The following DACH1 variants were observed in gnomAD, a reference collection of about 807,000 sequenced individuals.
The protein encoded by DACH1 is dachshund family transcription factor 1.
Under a neutral mutation model 54.2 loss-of-function variants are expected in DACH1, and 12 were observed. The observed-to-expected ratio is 0.22, with a 90% CI of 0.14 to 0.36. The LOEUF is 0.36. DACH1 is among the 10% of genes least tolerant of loss of function. The pLI is 1.00. For missense variants in DACH1, 805 were observed against 929.8 expected, an observed-to-expected ratio of 0.87 and a Z score of 1.75; for synonymous variants, 386 against 366.2, an observed-to-expected ratio of 1.05 and a Z score of -0.62.
intron 2 of DACH1, among the ~76,000 whole-genome samples, chr13:71,665,962 T>C (rs1287438006): frequency 1.3e-5 from 2 of 152,072 alleles, no homozygotes; most frequent in Admixed American, 6.6e-5. Context: ...ACACGAGAAA[T>C]AAATGAAATG....
At chr13:71,527,103 T>G (rs1195249712) in intron 6 of DACH1, among the ~76,000 whole-genome samples, 1 of 151,972 alleles carries the variant, frequency 6.6e-6, no homozygotes, top group African/African-American at 2.4e-5. Flanking sequence ...CTTTTTGTCT[T>G]TGCAGAATGT....
intron 6 of DACH1, among the ~76,000 whole-genome samples, chr13:71,520,142 C>G (rs1451980818): frequency 6.6e-6 from 1 of 151,260 alleles, no homozygotes; most frequent in Admixed American, 6.6e-5. Context: ...ATTTGGGTTT[C>G]TTCCATGTTT....
chr13:71,817,647 A>G (rs1888011338), intron 1 of DACH1, among the ~76,000 whole-genome samples: 1 of 152,192 alleles, frequency 6.6e-6, no homozygotes, highest in African/African-American at 2.4e-5. Context: ...TATGGAAAAG[A>G]AAGTAAAACA....
chr13:71,447,957 C>T lies in DACH1; in HGVS notation c.2084-7265G>A, dbSNP rs187261938. On this transcript the variant is annotated intron_variant, in intron 10 of 10. Coordinates refer to ENST00000613252, the MANE Select transcript of DACH1 (RefSeq NM_080759.6). ...GTAAAATCCTTAACAATGGAGTATGCTTGTGGAAGGTATCACACAATATGC... is the reference window on the plus strand; with the variant it reads ...GTAAAATCCTTAACAATGGAGTATGTTTGTGGAAGGTATCACACAATATGC... Among the ~76,000 whole-genome samples, 465 of 152,276 alleles carry T rather than the reference C, an allele frequency of 3.1e-3. 9 individuals carry two copies. Among genetic ancestry groups the T allele is most frequent in the Admixed American group, 0.022 (335 of 15,290 alleles).
chr13:71,559,986 A>G, intron 4 of DACH1, 31 bp from the exon 5 acceptor site: 1 of 1,469,074 alleles, frequency 6.8e-7, no homozygotes, highest in Admixed American at 2.8e-5. Context: ...AGGAGGGTAG[A>G]AAAGATGTTA....
chr13:71,629,687 G>C (rs903671076), intron 3 of DACH1, among the ~76,000 whole-genome samples: 1 of 152,038 alleles, frequency 6.6e-6, no homozygotes, highest in African/African-American at 2.4e-5. Flanking sequence ...CTGAATGGCC[G>C]TGAGTTATTA....
At chr13:71,757,805 G>T (rs570146747) in intron 1 of DACH1, among the ~76,000 whole-genome samples, 2 of 152,182 alleles carry the variant, frequency 1.3e-5, no homozygotes, top group East Asian at 3.9e-4. Flanking sequence ...TTACAGGTGT[G>T]AGCCACCACG....
chr13:71,748,924 CT>C (rs1478640294), intron 1 of DACH1, among the ~76,000 whole-genome samples: 1 of 41,756 alleles, frequency 2.4e-5, no homozygotes, highest in East Asian at 3.2e-4. Flanking sequence ...TTCTTTCTTT[CT>C]TTCTTTCTTT....
At chr13:71,485,509 C>T (rs1878409906) in intron 7 of DACH1, among the ~76,000 whole-genome samples, 1 of 144,526 alleles carries the variant, frequency 6.9e-6, no homozygotes, top group African/African-American at 2.5e-5. Context: ...TATATATCAA[C>T]ATAGGATTTT....
chr13:71,567,425 G>A (rs1005565444), intron 4 of DACH1, among the ~76,000 whole-genome samples: 5 of 151,710 alleles, frequency 3.3e-5, no homozygotes, highest in African/African-American at 1.2e-4. Flanking sequence ...ATTTTTATTA[G>A]GTAAAATGAG....
chr13:71,608,057 G>A (rs1011700982), intron 3 of DACH1, among the ~76,000 whole-genome samples: 1 of 143,000 alleles, frequency 7.0e-6, no homozygotes, highest in Non-Finnish European at 1.5e-5. Context: ...AGATTACAAT[G>A]TGTATATATA....
chr13:71,723,292 T>C (rs978708644), intron 1 of DACH1, among the ~76,000 whole-genome samples: 4 of 151,214 alleles, frequency 2.6e-5, no homozygotes, highest in Non-Finnish European at 5.9e-5. Context: ...CACATGCCTG[T>C]AGCCCCAGCT....
intron 1 of DACH1, among the ~76,000 whole-genome samples, chr13:71,780,275 T>G (rs1462625650): frequency 6.6e-6 from 1 of 152,096 alleles, no homozygotes; most frequent in Non-Finnish European, 1.5e-5. Context: ...GTGAGGCATT[T>G]TAGAGTTTTT....
At chr13:71,707,114 AAGAC>A (rs1218582312) in intron 1 of DACH1, among the ~76,000 whole-genome samples, 21 of 152,236 alleles carry the variant, frequency 1.4e-4, no homozygotes, top group Non-Finnish European at 2.6e-4. Flanking sequence ...AAAGAACATT[AAGAC>A]AGGTCTGTCC....
At chr13:71,735,174 G>A (rs1183654100) in intron 1 of DACH1, among the ~76,000 whole-genome samples, 2 of 150,786 alleles carry the variant, frequency 1.3e-5, no homozygotes, top group African/African-American at 2.4e-5. Flanking sequence ...TGGGATACTC[G>A]TATATGGGAT....
At chr13:71,503,744 A>C (rs1207436684) in intron 6 of DACH1, among the ~76,000 whole-genome samples, 2 of 152,216 alleles carry the variant, frequency 1.3e-5, no homozygotes, top group East Asian at 3.8e-4. Context: ...AATGTTCATA[A>C]GCTTCTTGTC....
At chr13:71,674,340 T>C (rs927406115) in intron 2 of DACH1, among the ~76,000 whole-genome samples, 1 of 152,130 alleles carries the variant, frequency 6.6e-6, no homozygotes, top group Non-Finnish European at 1.5e-5. Context: ...TATTTGTAGA[T>C]GTGATTATAT....
intron 1 of DACH1, 21 bp from the exon 2 acceptor site, chr13:71,681,931 A>G (rs1566429440): frequency 2.0e-6 from 3 of 1,487,172 alleles, no homozygotes; most frequent in East Asian, 4.5e-5. Context: ...CAAACAAAAA[A>G]TTTTTACAAT....
intron 6 of DACH1, among the ~76,000 whole-genome samples, chr13:71,513,763 C>T (rs1439062585): frequency 6.6e-6 from 1 of 151,998 alleles, no homozygotes; most frequent in Non-Finnish European, 1.5e-5. Context: ...CTTTTGTGAA[C>T]ATGCTCCAGT....
Sources: gnomAD v4.1 joint callset for allele counts (sites outside exome capture counted in the v4.1 genomes callset) on GRCh38, gnomAD v4.1.1 for gene constraint, MANE v1.5 for transcripts, NCBI Gene and HGNC (gene_info 2026-07-23, HGNC 2026-07-21) for gene names.